SOCS7: variants seen among roughly 807,000 people sequenced by gnomAD.
SOCS7 encodes NAP-4.
Under a neutral mutation model 58.9 loss-of-function variants are expected in SOCS7, and 18 were observed. That is an observed-to-expected ratio of 0.31 (90% confidence interval 0.21 to 0.45). The LOEUF (loss-of-function observed/expected upper bound fraction) is 0.45. Ranked by LOEUF, SOCS7 falls within the 20% of genes least tolerant of loss-of-function variation. SOCS7 has a pLI of 1.00. For missense variants in SOCS7, 667 were observed against 837.3 expected (o/e 0.80, Z 2.51); for synonymous variants, 388 against 364.3 (o/e 1.06, Z -0.74).
chr17:38,393,832 A>G (rs984637847), intron 7 of SOCS7, among the ~76,000 whole-genome samples: 2 of 146,488 alleles, frequency 1.4e-5, no homozygotes, highest in Middle Eastern at 7.9e-3. Context: ...CCCGGGAGGC[A>G]GAGCTTGTAG....
At chr17:38,366,082 C>G in intron 4 of SOCS7, 1 of 1,229,404 alleles carries the variant, frequency 8.1e-7, no homozygotes, top group African/African-American at 1.5e-5. Context: ...GTGCCCCCAC[C>G]CATCCTTCAC....
chr17:38,352,299 C>G lies in SOCS7; in HGVS notation c.247C>G (p.Pro83Ala). The G allele has an allele frequency of 2.0e-6, 3 of 1,488,180 alleles. No individual in the cohort carries two copies. The highest frequency in any genetic ancestry group is 2.7e-6 in the Non-Finnish European group (3 of 1,129,544). The allele number at this position is 1,488,180 out of a possible 1,614,324, so 92.2% of individuals were successfully genotyped here. Residue 83 changes from proline (P) to alanine (A), a missense_variant, in exon 1 of 10, where the codon CCG becomes GCG. Transcript: ENST00000612932. The surrounding 1 kb of genome is among the most constrained non-coding windows in gnomAD (Gnocchi z 5.5). ...PPEEEDVEAA[P>A]EPGPSELLCP... ...GGAGGAGGAGGACGTGGAGGCGGCC[C>G]CGGAGCCGGGACCCTCGGAACTGCT...
chr17:38,370,037 C>T (rs189848402), intron 6 of SOCS7, among the ~76,000 whole-genome samples: 62 of 152,208 alleles, frequency 4.1e-4, no homozygotes, highest in Non-Finnish European at 6.8e-4. Flanking sequence ...GTGATTCGCC[C>T]GCCTTGGTCT....
intron 6 of SOCS7, among the ~76,000 whole-genome samples, chr17:38,369,145 A>G (rs1460250842): frequency 6.6e-6 from 1 of 152,216 alleles, no homozygotes; most frequent in Non-Finnish European, 1.5e-5. Flanking sequence ...GAAAAAGCAT[A>G]GAGAACTTTG....
chr17:38,390,493 T>C (rs919390393), intron 7 of SOCS7, among the ~76,000 whole-genome samples: 2 of 152,042 alleles, frequency 1.3e-5, no homozygotes, highest in Non-Finnish European at 2.9e-5. Context: ...GAGTGTGGAG[T>C]TGAGTCAGTA....
chr17:38,360,069 C>T (rs1456194855), intron 1 of SOCS7, among the ~76,000 whole-genome samples: 1 of 151,866 alleles, frequency 6.6e-6, no homozygotes, highest in African/African-American at 2.4e-5. Context: ...TGAGCCATCG[C>T]ACCGGGCCTG....
intron 6 of SOCS7, among the ~76,000 whole-genome samples, chr17:38,377,139 TA>T (rs2037942248): frequency 6.6e-6 from 1 of 152,240 alleles, no homozygotes; most frequent in Non-Finnish European, 1.5e-5. Context: ...ACTGTACCTA[TA>T]CTTAATATAC....
At chr17:38,387,133 G>GTATATA (rs1191192504) in intron 7 of SOCS7, among the ~76,000 whole-genome samples, 1 of 73,494 alleles carries the variant, frequency 1.4e-5, no homozygotes, top group Admixed American at 1.6e-4. Flanking sequence ...ATATATGTAT[G>GTATATA]TATATATATA....
chr17:38,394,601 G>A (rs759078517), intron 7 of SOCS7, among the ~76,000 whole-genome samples: 1 of 152,164 alleles, frequency 6.6e-6, no homozygotes, highest in Non-Finnish European at 1.5e-5. Flanking sequence ...ACTGCTAGAT[G>A]TGCCCAACAA....
intron 7 of SOCS7, among the ~76,000 whole-genome samples, chr17:38,381,583 CTG>C (rs1174800401): frequency 6.6e-6 from 1 of 151,944 alleles, no homozygotes; most frequent in Admixed American, 6.6e-5. Context: ...GCAAAAGAAA[CTG>C]AGGTCCAGTG....
intron 6 of SOCS7, among the ~76,000 whole-genome samples, chr17:38,368,626 T>C (rs529172908): frequency 6.6e-6 from 1 of 151,996 alleles, no homozygotes; most frequent in Non-Finnish European, 1.5e-5. Context: ...CTCAGCCTCC[T>C]ATGTAGCTGG....
intron 7 of SOCS7, among the ~76,000 whole-genome samples, chr17:38,387,096 A>ATATATAT (rs1476617496): frequency 3.3e-5 from 3 of 91,808 alleles, no homozygotes; most frequent in African/African-American, 2.1e-4. Flanking sequence ...AAAAAAAAAA[A>ATATATAT]AAAAAAATAT....
At chr17:38,387,586 G>C (rs1330220902) in intron 7 of SOCS7, among the ~76,000 whole-genome samples, 1 of 89,322 alleles carries the variant, frequency 1.1e-5, no homozygotes, top group Non-Finnish European at 2.0e-5. Context: ...ACAATATATT[G>C]TATATATTAT....
At chr17:38,393,549 A>G (rs2038204550) in intron 7 of SOCS7, among the ~76,000 whole-genome samples, 1 of 152,088 alleles carries the variant, frequency 6.6e-6, no homozygotes, top group Admixed American at 6.6e-5. Context: ...AGGCAGGAGA[A>G]TCGCTTGAAC....
intron 7 of SOCS7, among the ~76,000 whole-genome samples, chr17:38,382,752 G>A (rs962476289): frequency 2.6e-5 from 4 of 152,136 alleles, no homozygotes; most frequent in African/African-American, 9.7e-5. Flanking sequence ...CTCCCAAAGT[G>A]CTGAGATTAC....
At chr17:38,364,078 TC>T (rs2037755072) in intron 2 of SOCS7, among the ~76,000 whole-genome samples, 1 of 152,212 alleles carries the variant, frequency 6.6e-6, no homozygotes, top group Admixed American at 6.5e-5. Context: ...CCCACCAAGT[TC>T]CTATGGAGAA....
intron 7 of SOCS7, among the ~76,000 whole-genome samples, chr17:38,383,536 A>T (rs1422335291): frequency 6.6e-6 from 1 of 152,086 alleles, no homozygotes; most frequent in Admixed American, 6.6e-5. Flanking sequence ...CAGGTCATCC[A>T]GAGCAAGAAC....
intron 6 of SOCS7, among the ~76,000 whole-genome samples, chr17:38,376,236 C>T (rs189119196): frequency 2.1e-4 from 32 of 152,244 alleles, no homozygotes; most frequent in Admixed American, 1.1e-3. Flanking sequence ...GGCAGAACAA[C>T]CCTGGACAGA....
chr17:38,373,912 G>C (rs2037898685), intron 6 of SOCS7, among the ~76,000 whole-genome samples: 1 of 152,244 alleles, frequency 6.6e-6, no homozygotes. Context: ...TGTCTGGAAA[G>C]ATTCCTCCAT....
Sources: gnomAD v4.1 joint callset for allele counts (sites outside exome capture counted in the v4.1 genomes callset) on GRCh38, gnomAD v4.1.1 for gene constraint, Gnocchi (gnomAD v3.1) non-coding constraint, MANE v1.5 for transcripts, NCBI Gene and HGNC (gene_info 2026-07-23, HGNC 2026-07-21) for gene names.